The following CDH13 variants were observed in gnomAD, a reference collection of about 807,000 sequenced individuals.
The protein encoded by CDH13 is cadherin 13.
In CDH13, 24 loss-of-function variants were observed where a neutral mutation model predicts 63.8. The ratio of observed to expected loss-of-function variants is 0.38; its 90% CI spans 0.27 to 0.53. The LOEUF is 0.53. Among genes scored for constraint, CDH13 ranks in the 20% least tolerant of loss-of-function variants. CDH13 has a pLI of 0.85. For synonymous variants in CDH13, 503 were observed against 355.3 expected (o/e 1.42, Z -4.67); for missense variants, 1,049 against 903.1 (o/e 1.16, Z -2.07).
At chr16:83,329,452 G>A (rs553843046) in intron 5 of CDH13, among the ~76,000 whole-genome samples, 1 of 151,528 alleles carries the variant, frequency 6.6e-6, no homozygotes, top group East Asian at 1.9e-4. Flanking sequence ...GGCGAGGCTG[G>A]TCTCGAACTC....
intron 1 of CDH13, among the ~76,000 whole-genome samples, chr16:82,667,851 C>G (rs1427491721): frequency 6.6e-6 from 1 of 152,100 alleles, no homozygotes; most frequent in Non-Finnish European, 1.5e-5. Flanking sequence ...TGTTAGGGAG[C>G]CTTTTCAATC....
chr16:83,500,140 T>A (rs996865776), intron 7 of CDH13, among the ~76,000 whole-genome samples: 1 of 151,660 alleles, frequency 6.6e-6, no homozygotes, highest in Non-Finnish European at 1.5e-5. Context: ...GTTGTATCAG[T>A]GGTCGTAAGG....
intron 2 of CDH13, among the ~76,000 whole-genome samples, chr16:82,896,948 T>A (rs147631823): frequency 6.6e-6 from 1 of 151,578 alleles, no homozygotes; most frequent in Non-Finnish European, 1.5e-5. Flanking sequence ...GCCCAGCTAA[T>A]TTTTTTGTAT....
intron 1 of CDH13, among the ~76,000 whole-genome samples, chr16:82,817,237 A>G (rs1487720866): frequency 6.6e-6 from 1 of 151,922 alleles, no homozygotes; most frequent in East Asian, 1.9e-4. Flanking sequence ...GTTTTCTCTC[A>G]TAAGCTTCTA....
At chr16:83,346,786 A>G (rs562528945) in intron 6 of CDH13, among the ~76,000 whole-genome samples, 4 of 152,112 alleles carry the variant, frequency 2.6e-5, no homozygotes, top group Non-Finnish European at 5.9e-5. Flanking sequence ...TGTATTTTTT[A>G]TGTATGTTTT....
chr16:83,492,732 T>A (rs2074043295), intron 7 of CDH13, among the ~76,000 whole-genome samples: 1 of 152,152 alleles, frequency 6.6e-6, no homozygotes, highest in Non-Finnish European at 1.5e-5. Flanking sequence ...CTCCTGCTGA[T>A]GGCAATGGGG....
At chr16:82,913,630 C>T (rs761677877) in intron 2 of CDH13, among the ~76,000 whole-genome samples, 1 of 152,136 alleles carries the variant, frequency 6.6e-6, no homozygotes, top group Non-Finnish European at 1.5e-5. Context: ...TAACCAGGCA[C>T]AAGATGCGAT....
At chr16:83,692,643 T>G (rs1905024170) in intron 10 of CDH13, among the ~76,000 whole-genome samples, 1 of 152,222 alleles carries the variant, frequency 6.6e-6, no homozygotes, top group Admixed American at 6.5e-5. Flanking sequence ...CTTTCGGACT[T>G]GAAGGATGTG....
chr16:82,655,437 A>G (rs925698024), intron 1 of CDH13, among the ~76,000 whole-genome samples: 1 of 152,178 alleles, frequency 6.6e-6, no homozygotes, highest in Non-Finnish European at 1.5e-5. Flanking sequence ...AGTGTATGCC[A>G]GGAAGAGCAA....
At chr16:83,422,156 C>T (rs900331589) in intron 6 of CDH13, among the ~76,000 whole-genome samples, 16 of 152,134 alleles carry the variant, frequency 1.1e-4, no homozygotes, top group Non-Finnish European at 1.8e-4. Context: ...AGGCCATGTT[C>T]CCCTTTAATT....
chr16:83,199,048 G>A (rs753703907), intron 4 of CDH13, among the ~76,000 whole-genome samples: 1 of 152,184 alleles, frequency 6.6e-6, no homozygotes, highest in Non-Finnish European at 1.5e-5. Context: ...GACGAGGCAG[G>A]CTGGGAGGAG....
At chr16:82,776,315 A>G (rs1413359849) in intron 1 of CDH13, among the ~76,000 whole-genome samples, 1 of 151,980 alleles carries the variant, frequency 6.6e-6, no homozygotes, top group Non-Finnish European at 1.5e-5. Flanking sequence ...GAAAAGAGAA[A>G]AGAAAAGAAA....
chr16:83,774,714 C>T (rs60658779), intron 11 of CDH13, among the ~76,000 whole-genome samples: 45,131 of 151,928 alleles, frequency 0.3, 6,868 homozygotes, highest in Non-Finnish European at 0.34. Context: ...ATTCCACTTA[C>T]ATGGGTTCCC....
intron 1 of CDH13, among the ~76,000 whole-genome samples, chr16:82,772,154 C>T (rs1480803719): frequency 6.6e-6 from 1 of 152,068 alleles, no homozygotes; most frequent in African/African-American, 2.4e-5. Context: ...TCTGGTTGAC[C>T]CCACTGACAG....
In CDH13 at chr16:83,016,879, C is replaced by G. The variant is rs1003631114; in HGVS notation, c.158-15131C>G. Among the ~76,000 whole-genome samples the G allele has an allele frequency of 3.3e-5, 5 of 152,106 alleles. No homozygotes were observed. In the East Asian group the frequency reaches 7.7e-4, roughly 23 times the overall value. On this transcript the variant is annotated intron_variant, in intron 2 of 13. Transcript: ENST00000567109. ...ACGTCATTTATGACATTTATGAAAA[C>G]CAAAATTGACATTCTGAAGTCCTTG...
At chr16:82,916,544 A>G (rs2041996919) in intron 2 of CDH13, among the ~76,000 whole-genome samples, 1 of 151,892 alleles carries the variant, frequency 6.6e-6, no homozygotes, top group African/African-American at 2.4e-5. Context: ...ACAGCACTCC[A>G]GCCTGGGTGA....
At chr16:83,445,869 G>C (rs1221349766) in intron 6 of CDH13, among the ~76,000 whole-genome samples, 1 of 152,186 alleles carries the variant, frequency 6.6e-6, no homozygotes, top group Non-Finnish European at 1.5e-5. Flanking sequence ...GTAGGAGGAA[G>C]ATGATTCCTA....
chr16:83,416,419 A>T (rs1296207301), intron 6 of CDH13, among the ~76,000 whole-genome samples: 1 of 152,146 alleles, frequency 6.6e-6, no homozygotes, highest in Non-Finnish European at 1.5e-5. Flanking sequence ...GACTCTCATG[A>T]CCCTGTCCTC....
chr16:83,161,666 T>C (rs1448866252), intron 4 of CDH13, among the ~76,000 whole-genome samples: 1 of 152,134 alleles, frequency 6.6e-6, no homozygotes, highest in Non-Finnish European at 1.5e-5. Flanking sequence ...TGGATTTGCA[T>C]ATTTATAGAG....
Sources: allele counts gnomAD v4.1 joint callset (sites outside exome capture counted in the v4.1 genomes callset), GRCh38; gene constraint gnomAD v4.1.1; transcripts MANE v1.5; gene names NCBI Gene and HGNC (gene_info 2026-07-23, HGNC 2026-07-21).